Variants in ANO1 observed in about 807,000 individuals in gnomAD.
ANO1 encodes the protein anoctamin-1.
Under a neutral mutation model 124.0 loss-of-function variants are expected in ANO1, and 59 were observed. The observed-to-expected ratio is 0.48, with a 90% CI of 0.39 to 0.59. The LOEUF (loss-of-function observed/expected upper bound fraction) is 0.59. Ranked by LOEUF, ANO1 falls within the 20% of genes least tolerant of loss-of-function variation. The pLI is 0.00. For missense variants in ANO1, 1,059 were observed against 1,328.0 expected, an observed-to-expected ratio of 0.80 and a Z score of 3.15; for synonymous variants, 529 against 532.0, an observed-to-expected ratio of 0.99 and a Z score of 0.08.
chr11:69,983,090 A>T (rs1855972759), upstream of ANO1, among the ~76,000 whole-genome samples: 2 of 151,974 alleles, frequency 1.3e-5, no homozygotes, highest in South Asian at 4.2e-4. Context: ...ATCTGCTGAG[A>T]CCCAGCAGCA....
rs1856509565 is a variant in ANO1 at position 70,007,269 on chromosome 11, CTTTCT to C, written c.58+21107_58+21111del. ...GGTAGCATATTGCAGAACCTCCTTT[CTTTCT>C]TTTTTTTTTTTTTTTTTCTTGAGAC... On this transcript the variant is annotated intron_variant, in intron 1 of 27. Coordinates refer to the ANO1 transcript ENST00000531349. Among the ~76,000 whole-genome samples the C allele has an allele frequency of 3.1e-5, 4 of 130,470 alleles. No homozygotes were observed. In the South Asian group the frequency reaches 9.2e-4, roughly 30 times the overall value. 85.6% of individuals were successfully genotyped at this position (130,470 alleles called of 152,430 possible).
rs150676103 is a variant in ANO1, at chr11:70,069,948, T to C, written c.59-8594T>C. 5.3e-5 allele frequency among the ~76,000 whole-genome samples: 8 copies of C among 152,328 alleles called. No homozygotes were observed. In the East Asian group the frequency reaches 1.5e-3, roughly 29 times the overall value. On this transcript the variant is annotated intron_variant, in intron 1 of 27. Transcript: ENST00000531349. Reference sequence around the variant, plus strand: ...GTATGCATGCAAGGATGTGCATGCATGTACTTACTAACCCTATATGACACG... The same window carrying C: ...GTATGCATGCAAGGATGTGCATGCACGTACTTACTAACCCTATATGACACG...
At chr11:70,012,348 C>A (rs532178203) in intron 1 of ANO1, among the ~76,000 whole-genome samples, 2 of 145,788 alleles carry the variant, frequency 1.4e-5, no homozygotes, top group African/African-American at 5.1e-5. Flanking sequence ...CCATCCTTTC[C>A]TTCATCCATC....
intron 22 of ANO1, among the ~76,000 whole-genome samples, chr11:70,177,411 T>C (rs1474677251): frequency 1.3e-5 from 2 of 152,074 alleles, no homozygotes; most frequent in Non-Finnish European, 2.9e-5. Flanking sequence ...GTTTAGATGC[T>C]AAGGCGGCCA....
intron 1 of ANO1, among the ~76,000 whole-genome samples, chr11:70,012,636 C>T (rs1049860563): frequency 6.6e-6 from 1 of 151,506 alleles, no homozygotes; most frequent in African/African-American, 2.4e-5. Flanking sequence ...GTCATCCATC[C>T]ATCCATTGTT....
At chr11:69,977,180 G>T in the ANO1 span, among the ~76,000 whole-genome samples, 1 of 152,186 alleles carries the variant, frequency 6.6e-6, no homozygotes, top group South Asian at 2.1e-4. Context: ...AGCCCCCCAG[G>T]TGTCACCCAA....
chr11:70,110,596 C>T lies in ANO1; in HGVS notation c.800-1111C>T, dbSNP rs534879658. ...CCTTAGTCCCCTGATCATTCCAGGT[C>T]ATTGACCACAGAGATGGCCCATTTT... On this transcript the variant is annotated intron_variant, in intron 6 of 25. Transcript: ENST00000355303. 2.6e-5 allele frequency among the ~76,000 whole-genome samples: 4 copies of T among 152,290 alleles called. No individual in the cohort carries two copies. In the South Asian group the frequency reaches 8.3e-4, roughly 32 times the overall value.
intron 1 of ANO1, among the ~76,000 whole-genome samples, chr11:70,036,711 C>T (rs919850706): frequency 2.6e-5 from 4 of 152,244 alleles, no homozygotes; most frequent in Non-Finnish European, 4.4e-5. Context: ...GGGTTCATGC[C>T]ATTCTCCTGC....
chr11:69,989,647 G>C (rs1476039321), intron 1 of ANO1, among the ~76,000 whole-genome samples: 3 of 152,134 alleles, frequency 2.0e-5, no homozygotes, highest in African/African-American at 7.2e-5. Flanking sequence ...AGCAGGGAAG[G>C]GACCTGAGCT....
the ANO1 span, among the ~76,000 whole-genome samples, chr11:69,967,064 T>C: frequency 6.6e-6 from 1 of 152,222 alleles, no homozygotes; most frequent in South Asian, 2.1e-4. Context: ...CTACCCTCTG[T>C]TGTGACAACC....
At chr11:70,149,954 T>A in intron 12 of ANO1, 162 bp downstream of exon 12, 1 of 740,292 alleles carries the variant, frequency 1.4e-6, no homozygotes, top group Non-Finnish European at 2.4e-6. Context: ...GCCTCGCCAC[T>A]CAACACCCTG....
At position 70,021,859 on chromosome 11, in the gene ANO1, C is replaced by T. The variant is rs1169608475; in HGVS notation, c.58+35693C>T. 2.0e-5 allele frequency among the ~76,000 whole-genome samples: 3 copies of T among 152,258 alleles called. No homozygotes were observed. In the East Asian group the frequency reaches 5.8e-4, roughly 29 times the overall value. ...TGTGACATTCACAGGCAGGAGCGTG[C>T]GAACTGAATCCCAAAGAGTGCGCAG... On this transcript the variant is annotated intron_variant, in intron 1 of 27. Transcript: ENST00000531349.
chr11:70,030,762 C>T (rs1484583076), intron 1 of ANO1, among the ~76,000 whole-genome samples: 7 of 152,206 alleles, frequency 4.6e-5, no homozygotes, highest in Non-Finnish European at 8.8e-5. Context: ...TAAGGCCACA[C>T]AGTCACAGGT....
chr11:70,086,868 G>A (rs577169407), intron 1 of ANO1, among the ~76,000 whole-genome samples: 42 of 152,310 alleles, frequency 2.8e-4, no homozygotes. Flanking sequence ...TGCACCCCTG[G>A]CCTCTGCTCA....
chr11:70,166,045 A>T (rs550749157), intron 20 of ANO1, among the ~76,000 whole-genome samples: 1 of 151,856 alleles, frequency 6.6e-6, no homozygotes, highest in South Asian at 2.1e-4. Flanking sequence ...GGCCGCGCAC[A>T]GTGGCTCATA....
At chr11:70,074,763 A>G (rs1480739916), upstream of ANO1, among the ~76,000 whole-genome samples, 1 of 152,144 alleles carries the variant, frequency 6.6e-6, no homozygotes, top group Non-Finnish European at 1.5e-5. Flanking sequence ...CTGGCATCTC[A>G]TGGGTGGGTA....
intron 21 of ANO1, 66 bp downstream of exon 21, chr11:70,167,453 G>A (rs1405741692): frequency 1.3e-6 from 2 of 1,543,098 alleles, no homozygotes; most frequent in Non-Finnish European, 1.7e-6. Flanking sequence ...CACCTGGAGT[G>A]GGGAAGGGCT....
intron 11 of ANO1, among the ~76,000 whole-genome samples, chr11:70,143,027 A>T (rs893661577): frequency 2.6e-5 from 4 of 152,172 alleles, no homozygotes; most frequent in African/African-American, 7.2e-5. Context: ...GCAGGGGGTC[A>T]CATTTCAAGA....
At chr11:70,025,489 T>A (rs1417558009) in intron 1 of ANO1, among the ~76,000 whole-genome samples, 1 of 151,866 alleles carries the variant, frequency 6.6e-6, no homozygotes, top group East Asian at 1.9e-4. Flanking sequence ...ATGGAGGTGA[T>A]GACAATGATG....
Sources: allele counts gnomAD v4.1 joint callset (sites outside exome capture counted in the v4.1 genomes callset), GRCh38; gene constraint gnomAD v4.1.1; transcripts MANE v1.5; gene names NCBI Gene and HGNC (gene_info 2026-07-23, HGNC 2026-07-21).